The following BAIAP3 variants were observed in gnomAD, a reference collection of about 807,000 sequenced individuals.
The protein encoded by BAIAP3 is BAI1 associated protein 3, also known as BAI1-associated protein 3.
Under a neutral mutation model 149.7 loss-of-function variants are expected in BAIAP3, and 180 were observed. The observed-to-expected ratio is 1.20, with a 90% CI of 1.07 to 1.36. BAIAP3 has a LOEUF of 1.36. Among genes scored for constraint, BAIAP3 ranks in the 40% most tolerant of loss-of-function variants. The pLI, the probability that BAIAP3 is intolerant of heterozygous loss-of-function variation, is 0.00. For synonymous variants in BAIAP3, 845 were observed against 670.7 expected, an observed-to-expected ratio of 1.26 and a Z score of -4.02; for missense variants, 1,767 against 1,563.4, an observed-to-expected ratio of 1.13 and a Z score of -2.20.
chr16:1,338,611 T>G lies in BAIAP3; in HGVS notation c.62T>G (p.Phe21Cys). 6.2e-7 allele frequency: 1 copy of G among 1,606,034 alleles called. No homozygotes were observed. The highest frequency in any genetic ancestry group is 1.3e-5 in the African/African-American group (1 of 74,914). ...VLRQVQVCPS[F>C]RRRTEQDPGS... Reference sequence around the variant, plus strand: ...AGGCAGGTGCAGGTGTGCCCGTCCTTCCGCCGCAGGACTGAGCAGGACCCA... The same window carrying G: ...AGGCAGGTGCAGGTGTGCCCGTCCTGCCGCCGCAGGACTGAGCAGGACCCA... The change falls in exon 2 of 34, where the codon TTC becomes TGC. Residue 21 changes from phenylalanine to cysteine, a missense_variant. By Grantham distance (205) the Phe-to-Cys change is radical. Transcript: ENST00000426824.
intron 3 of BAIAP3, 79 bp from the exon 4 acceptor site, chr16:1,339,085 G>A (rs779301365): frequency 2.2e-4 from 353 of 1,593,946 alleles, no homozygotes; most frequent in Non-Finnish European, 2.8e-4. Flanking sequence ...CCCACCTCCT[G>A]GGGCACCACC....
At chr16:1,340,522 A>G (rs927307833) in intron 5 of BAIAP3, among the ~76,000 whole-genome samples, 2 of 149,526 alleles carry the variant, frequency 1.3e-5, no homozygotes, top group African/African-American at 4.9e-5. Flanking sequence ...CTGCAGGTGC[A>G]CACAGACACG....
At position 1,339,732 on chromosome 16, in the gene BAIAP3, C is replaced by T. The variant is rs545254425; in HGVS notation, c.408+129C>T. 5.3e-5 allele frequency: 38 copies of T among 722,756 alleles called. No homozygotes were observed. In the Middle Eastern group the frequency reaches 9.6e-4, roughly 18 times the overall value. The allele number at this position is 722,756 out of a possible 1,614,324, so 44.8% of individuals were successfully genotyped here. ...CCGATCCGTGCACAGCACACAGAGA[C>T]GGCTGCAGGTGCACACACACACACG... is the stretch of plus-strand genomic sequence containing the variant. On this transcript the variant is annotated intron_variant, in intron 5 of 33. Coordinates refer to ENST00000426824, the MANE Select transcript of BAIAP3 (RefSeq NM_001199097.2).
At chr16:1,338,505 C>T (rs768953000) in intron 1 of BAIAP3, 35 bp from the exon 2 acceptor site, 19 of 1,292,584 alleles carry the variant, frequency 1.5e-5, no homozygotes, top group East Asian at 1.1e-4. Flanking sequence ...GTTGAGTGGA[C>T]GACCTGAGGC....
chr16:1,341,687 C>A, intron 8 of BAIAP3, 135 bp from the exon 9 acceptor site: 1 of 1,200,624 alleles, frequency 8.3e-7, no homozygotes, highest in Non-Finnish European at 1.2e-6. Context: ...CTGGCGGGAT[C>A]AGGATTTGGA....
In BAIAP3 at chr16:1,348,084, C is replaced by G. The variant is rs746335753; in HGVS notation, c.3150-12C>G. On this transcript the variant is annotated splice_polypyrimidine_tract_variant and intron_variant, in intron 32 of 33. Coordinates refer to ENST00000426824, the MANE Select transcript of BAIAP3 (RefSeq NM_001199097.2). The stretch of plus-strand genomic sequence containing the variant: ...TGCCGGAGCGAGACTCCCGACTGGC[C>G]TCTGTCCGCAGTTCCGTGCCTGCCG... 3.7e-6 allele frequency: 6 copies of G among 1,601,268 alleles called. No homozygotes were observed. Among genetic ancestry groups the G allele is most frequent in the Middle Eastern group, 3.3e-4 (2 of 6,082 alleles).
intron 15 of BAIAP3, among the ~76,000 whole-genome samples, chr16:1,343,754 G>A (rs1237005847): frequency 6.6e-6 from 1 of 152,258 alleles, no homozygotes; most frequent in African/African-American, 2.4e-5. Flanking sequence ...CCAAGGTGGC[G>A]CCCATCTGAG....
At position 1,343,215 on chromosome 16, in the gene BAIAP3, C is replaced by A. The variant is rs1160875988; in HGVS notation, c.1266-178C>A. ...CGGGTAGGTGAGGCAGCGAAAGGGGCGGTGCCATGAGTAGGTACGGCAGCG... is the reference window on the plus strand; with the variant it reads ...CGGGTAGGTGAGGCAGCGAAAGGGGAGGTGCCATGAGTAGGTACGGCAGCG... On this transcript the variant is annotated intron_variant, in intron 14 of 33. Coordinates refer to ENST00000426824, the MANE Select transcript of BAIAP3 (RefSeq NM_001199097.2). 2.6e-6 allele frequency: 3 copies of A among 1,135,642 alleles called. No individual in the cohort carries two copies. The Admixed American group carries it at 6.9e-5, about 26-fold the overall frequency. 70.3% of individuals were successfully genotyped at this position (1,135,642 alleles called of 1,614,324 possible).
At chr16:1,337,786 G>T (rs756781526) in intron 1 of BAIAP3, among the ~76,000 whole-genome samples, 1 of 152,212 alleles carries the variant, frequency 6.6e-6, no homozygotes, top group Non-Finnish European at 1.5e-5. Flanking sequence ...CCCTACACCC[G>T]GCATTTTCCA....
In BAIAP3 at chr16:1,338,689, C is replaced by A. The variant is rs890344388; in HGVS notation, c.131+9C>A. 9 of 1,572,282 alleles carry A rather than the reference C, an allele frequency of 5.7e-6. No individual in the cohort carries two copies. The East Asian group carries it at 2.1e-4, about 37-fold the overall frequency. ...CCTGCCACGGGGGCCTGGTGGGTGC[C>A]GAGGGGCCCAGCCCCACACGCCCAC... On this transcript the variant is annotated intron_variant, in intron 2 of 33. Transcript: ENST00000426824.
At position 1,344,675 on chromosome 16, in the gene BAIAP3, T is replaced by C. The variant is rs1298748452; in HGVS notation, c.1734T>C (p.Ser578=). The change falls in exon 19 of 34, where the codon AGT becomes AGC. Residue 578 remains serine, a synonymous_variant. Coordinates refer to ENST00000426824, the MANE Select transcript of BAIAP3 (RefSeq NM_001199097.2). ...ATGATGACCTTCAGTTCTGCTACAG[T>C]GTGTACGCCAGCCTCTTCCACAGGT... ...AVYDDLQFCY[S]VYASLFHSIL... 2.5e-6 allele frequency: 4 copies of C among 1,613,466 alleles called. No individual in the cohort carries two copies. Among genetic ancestry groups the C allele is most frequent in the Non-Finnish European group, 3.4e-6 (4 of 1,180,008 alleles).
rs1036114067 is a variant in BAIAP3, at chr16:1,344,999, G to A, written c.1840G>A (p.Glu614Lys). ...TGAGGAGGCGTGGGTGCTGACGGAG[G>A]AGCTGAGCCCCAAGATGACCCTGGA... Reference protein sequence around the residue: ...VAEEAWVLTEELSPKMTLEVA... With the variant: ...VAEEAWVLTEKLSPKMTLEVA... The change falls in exon 21 of 34, where the codon GAG (glutamate) becomes AAG (lysine). Residue 614 changes from glutamate to lysine, a missense_variant. Transcript: ENST00000426824. 1.2e-6 allele frequency: 2 copies of A among 1,612,692 alleles called. No individual in the cohort carries two copies. Among genetic ancestry groups the A allele is most frequent in the Non-Finnish European group, 1.7e-6 (2 of 1,180,020 alleles).
Position 1,349,198 on chromosome 16 carries a change from C to T in BAIAP3, c.*716C>T. 3.5e-6 allele frequency: 2 copies of T among 571,646 alleles called. No individual in the cohort carries two copies. The highest frequency in any genetic ancestry group is 6.3e-6 in the Non-Finnish European group (2 of 319,478). 35.4% of individuals were successfully genotyped at this position (571,646 alleles called of 1,614,324 possible). On this transcript the variant is annotated 3_prime_UTR_variant, in exon 34 of 34. Transcript: ENST00000426824. Reference sequence around the variant, plus strand: ...AGGCAGAGCCGAGAGTTCGCCCCAACCCTTCCCCAGGCCCAGTGTGAAAAA... The same window carrying T: ...AGGCAGAGCCGAGAGTTCGCCCCAATCCTTCCCCAGGCCCAGTGTGAAAAA...
At chr16:1,334,872 G>C in intron 1 of BAIAP3, 1 of 1,010,740 alleles carries the variant, frequency 9.9e-7, no homozygotes, top group Non-Finnish European at 1.5e-6. Flanking sequence ...GCAGCGTGGA[G>C]AGCCAGCCTG....
At chr16:1,341,031 G>A (rs2141584391) in intron 6 of BAIAP3, 50 bp downstream of exon 6, 1 of 1,609,806 alleles carries the variant, frequency 6.2e-7, no homozygotes, top group East Asian at 2.2e-5. Flanking sequence ...TGCCTGCGTG[G>A]CGGGGGCACG....
rs564310987 is a variant in BAIAP3 at position 1,340,591 on chromosome 16, G to GAC, written c.409-321_409-320dup. On this transcript the variant is annotated intron_variant, in intron 5 of 33. Coordinates refer to ENST00000426824, the MANE Select transcript of BAIAP3 (RefSeq NM_001199097.2). ...CACACACAGGCTGCATGTCTACACA[G>GAC]ACACACACACATACATGCACATAGG... Among the ~76,000 whole-genome samples the GAC allele has an allele frequency of 2.6e-5, 4 of 151,482 alleles. No individual in the cohort carries two copies. In the East Asian group the frequency reaches 7.7e-4, roughly 29 times the overall value.
At chr16:1,344,184 G>C in intron 16 of BAIAP3, 38 bp downstream of exon 16, 1 of 1,612,214 alleles carries the variant, frequency 6.2e-7, no homozygotes, top group East Asian at 2.2e-5. Context: ...GGTGGGGGCG[G>C]CTGGCAGGGC....
rs1387817548 is a variant in BAIAP3, at chr16:1,343,322, C to A, written c.1266-71C>A. The A allele has an allele frequency of 3.0e-5, 46 of 1,539,096 alleles. 1 individual carries two copies. The highest frequency in any genetic ancestry group is 3.9e-5 in the Non-Finnish European group (44 of 1,139,570). On this transcript the variant is annotated intron_variant, in intron 14 of 33. Coordinates refer to ENST00000426824, the MANE Select transcript of BAIAP3 (RefSeq NM_001199097.2). ...GGGTGGGGCAGAGAAAGGGGTAGTG[C>A]TGTAGGCGGTGCTGAGTGGGCATGG...
chr16:1,334,790 C>T (rs2033353522), intron 1 of BAIAP3: 1 of 1,529,272 alleles, frequency 6.5e-7, no homozygotes, highest in African/African-American at 1.4e-5. Flanking sequence ...CGGGAAACCC[C>T]CAGGGCCTGG....
Sources: allele counts gnomAD v4.1 joint callset (sites outside exome capture counted in the v4.1 genomes callset), GRCh38; gene constraint gnomAD v4.1.1; transcripts MANE v1.5; gene names NCBI Gene and HGNC (gene_info 2026-07-23, HGNC 2026-07-21).